SPPL3: variants seen among roughly 807,000 people sequenced by gnomAD.
SPPL3 encodes the protein signal peptide peptidase like 3, also known as signal peptide peptidase-like 3.
In SPPL3, 5 loss-of-function variants were observed where a neutral mutation model predicts 42.4. The ratio of observed to expected loss-of-function variants is 0.12; its 90% CI spans 0.06 to 0.25. The LOEUF is 0.25. Among genes scored for constraint, SPPL3 ranks in the 10% least tolerant of loss-of-function variants. SPPL3 has a pLI of 1.00. For missense variants in SPPL3, 235 were observed against 489.0 expected (o/e 0.48, Z 4.90); for synonymous variants, 195 against 181.8 (o/e 1.07, Z -0.58).
intron 9 of SPPL3, among the ~76,000 whole-genome samples, chr12:120,766,673 A>G (rs1353957790): frequency 2.6e-5 from 4 of 152,198 alleles, no homozygotes; most frequent in Non-Finnish European, 5.9e-5. Flanking sequence ...CTTGGGAGGC[A>G]GAAGACCTGG....
chr12:120,845,858 T>TTATCTATCTATCTATC (rs60954976), intron 1 of SPPL3, among the ~76,000 whole-genome samples: 22 of 147,416 alleles, frequency 1.5e-4, no homozygotes, highest in Non-Finnish European at 2.1e-4. Flanking sequence ...TTAGAATCCA[T>TTATCTATCTATCTATC]TATCTATCTA....
At chr12:120,801,320 T>A (rs1592969242) in intron 2 of SPPL3, among the ~76,000 whole-genome samples, 1 of 152,298 alleles carries the variant, frequency 6.6e-6, no homozygotes, top group South Asian at 2.1e-4. Flanking sequence ...ATAATCTGTC[T>A]CACCACCATA....
At chr12:120,798,940 C>T (rs1870198086) in intron 2 of SPPL3, among the ~76,000 whole-genome samples, 1 of 152,162 alleles carries the variant, frequency 6.6e-6, no homozygotes, top group Non-Finnish European at 1.5e-5. Context: ...AGAATAGGTG[C>T]TGAGAACCCC....
intron 1 of SPPL3, among the ~76,000 whole-genome samples, chr12:120,875,056 C>T (rs975455035): frequency 6.6e-6 from 1 of 152,142 alleles, no homozygotes; most frequent in African/African-American, 2.4e-5. Flanking sequence ...AACTGCTTAA[C>T]ATGCAAGTGG....
intron 1 of SPPL3, among the ~76,000 whole-genome samples, chr12:120,897,141 T>A (rs958351256): frequency 2.0e-5 from 3 of 152,188 alleles, no homozygotes; most frequent in African/African-American, 7.2e-5. Context: ...GAATGACACA[T>A]CACAATCCAA....
intron 1 of SPPL3, among the ~76,000 whole-genome samples, chr12:120,882,280 A>T (rs1216604212): frequency 1.3e-5 from 2 of 152,132 alleles, no homozygotes; most frequent in Admixed American, 1.3e-4. Flanking sequence ...GGATGTGGAT[A>T]AGAGGGGACT....
chr12:120,899,888 C>CAAAAAA (rs34814522), intron 1 of SPPL3, among the ~76,000 whole-genome samples: 7 of 71,684 alleles, frequency 9.8e-5, no homozygotes, highest in African/African-American at 2.5e-4. Flanking sequence ...GACCCTGTCT[C>CAAAAAA]AAAAAAAAAA....
chr12:120,850,489 C>T (rs1872183768), intron 1 of SPPL3, among the ~76,000 whole-genome samples: 1 of 51,436 alleles, frequency 1.9e-5, no homozygotes, highest in Admixed American at 2.8e-4. Context: ...TGAGACCAGC[C>T]TTTAAAAAAA....
intron 1 of SPPL3, among the ~76,000 whole-genome samples, chr12:120,859,829 G>A (rs904654475): frequency 6.6e-6 from 1 of 152,180 alleles, no homozygotes; most frequent in Admixed American, 6.6e-5. Flanking sequence ...TGTACTCCCA[G>A]CTACTCGGGA....
intron 1 of SPPL3, among the ~76,000 whole-genome samples, chr12:120,869,055 G>A (rs1872847480): frequency 6.6e-6 from 1 of 151,922 alleles, no homozygotes; most frequent in Non-Finnish European, 1.5e-5. Flanking sequence ...TATAATATGG[G>A]GAATAAAGAA....
intron 2 of SPPL3, among the ~76,000 whole-genome samples, chr12:120,804,709 A>T (rs987907284): frequency 6.6e-6 from 1 of 152,172 alleles, no homozygotes; most frequent in African/African-American, 2.4e-5. Flanking sequence ...GTTAAGACTA[A>T]GAGTTACCAT....
At chr12:120,849,709 C>CT (rs1872162073) in intron 1 of SPPL3, among the ~76,000 whole-genome samples, 1 of 152,310 alleles carries the variant, frequency 6.6e-6, no homozygotes, top group African/African-American at 2.4e-5. Flanking sequence ...TACATGTAGT[C>CT]TTTACCTTTT....
intron 1 of SPPL3, among the ~76,000 whole-genome samples, chr12:120,877,185 A>G (rs1873131360): frequency 6.6e-6 from 1 of 152,248 alleles, no homozygotes; most frequent in African/African-American, 2.4e-5. Context: ...ATCAATATAT[A>G]GCCTAAACAG....
intron 1 of SPPL3, among the ~76,000 whole-genome samples, chr12:120,889,443 G>A (rs1001284328): frequency 3.3e-5 from 5 of 152,222 alleles, no homozygotes; most frequent in Admixed American, 2.0e-4. Flanking sequence ...CAAAAGAATG[G>A]AGCAGAAATG....
At chr12:120,888,629 G>A (rs1301405566) in intron 1 of SPPL3, among the ~76,000 whole-genome samples, 2 of 152,136 alleles carry the variant, frequency 1.3e-5, no homozygotes, top group Non-Finnish European at 2.9e-5. Context: ...GCAGACTAGT[G>A]GCTGCCAAGG....
chr12:120,781,555 GTTTTTTTTTTTTTTTTTTTT>G (rs527339173), intron 6 of SPPL3, among the ~76,000 whole-genome samples: 20 of 63,010 alleles, frequency 3.2e-4, no homozygotes, highest in South Asian at 9.2e-4. Flanking sequence ...TTATTGTTAC[GTTTTTTTTTTTTTTTTTTTT>G]TTTTTTTTTT....
chr12:120,870,986 C>T lies in SPPL3; in HGVS notation c.23+32859G>A, dbSNP rs543299230. Among the ~76,000 whole-genome samples the T allele has an allele frequency of 5.3e-5, 8 of 151,680 alleles. 1 individual carries two copies. Among genetic ancestry groups the T allele is most frequent in the East Asian group, 3.9e-4 (2 of 5,162 alleles). ...CTACTAAAACACAAAAAAAAACAGC[C>T]GGGCATGGCGCCAGGCACCTATAGT... On this transcript the variant is annotated intron_variant, in intron 1 of 10. Transcript: ENST00000353487.
chr12:120,869,348 T>C (rs1335606616), intron 1 of SPPL3, among the ~76,000 whole-genome samples: 2 of 152,234 alleles, frequency 1.3e-5, no homozygotes, highest in Non-Finnish European at 2.9e-5. Context: ...GTGCCATTCA[T>C]AGAAAATGTA....
At chr12:120,816,635 C>T (rs1304142162) in intron 1 of SPPL3, among the ~76,000 whole-genome samples, 2 of 152,172 alleles carry the variant, frequency 1.3e-5, no homozygotes, top group Non-Finnish European at 2.9e-5. Context: ...CCTCAGCCTC[C>T]CAAGCAGCCA....
Sources: gnomAD v4.1 joint callset for allele counts (sites outside exome capture counted in the v4.1 genomes callset) on GRCh38, gnomAD v4.1.1 for gene constraint, MANE v1.5 for transcripts, NCBI Gene and HGNC (gene_info 2026-07-23, HGNC 2026-07-21) for gene names.